ROBO2: variants seen among roughly 807,000 people sequenced by gnomAD.
ROBO2 encodes the protein roundabout homolog 2.
Under a neutral mutation model 160.8 loss-of-function variants are expected in ROBO2, and 53 were observed. That is an observed-to-expected ratio of 0.33 (90% CI 0.26 to 0.41). The LOEUF is 0.41. Among genes scored for constraint, ROBO2 ranks in the 10% least tolerant of loss-of-function variants. The pLI, the probability that ROBO2 is intolerant of heterozygous loss-of-function variation, is 1.00. For missense variants in ROBO2, 1,577 were observed against 1,722.4 expected (o/e 0.92, Z 1.49); for synonymous variants, 664 against 611.7 (o/e 1.09, Z -1.26).
intron 2 of ROBO2, among the ~76,000 whole-genome samples, chr3:76,246,772 T>A (rs1399082102): frequency 6.6e-6 from 1 of 152,132 alleles, no homozygotes; most frequent in Non-Finnish European, 1.5e-5. Context: ...ATGGGTAAGT[T>A]CTAATGACTG....
chr3:76,435,578 A>G (rs1332721262), intron 2 of ROBO2: 1 of 572,600 alleles, frequency 1.7e-6, no homozygotes, highest in African/African-American at 1.9e-5. Context: ...ACTGAAATAT[A>G]CCTCAGGCTG....
intron 2 of ROBO2, among the ~76,000 whole-genome samples, chr3:75,981,507 T>C (rs963105792): frequency 1.1e-4 from 16 of 151,246 alleles, no homozygotes; most frequent in African/African-American, 3.6e-4. Flanking sequence ...GAGATGTGGG[T>C]TGCAGTTTAT....
chr3:76,780,369 G>A lies in ROBO2; in HGVS notation c.110-317645G>A, dbSNP rs183585125. ...ATGGTTTACAAATGTTTCCTCCCAC[G>A]CTGTAGGTTGCTTTTTCATCTTGTT... is the stretch of plus-strand genomic sequence containing the variant. On this transcript the variant is annotated intron_variant, in intron 2 of 26. Transcript: ENST00000487694. Among the ~76,000 whole-genome samples the A allele has an allele frequency of 2.0e-5, 3 of 150,790 alleles. No homozygotes were observed. In the East Asian group the frequency reaches 5.9e-4, roughly 30 times the overall value.
intron 2 of ROBO2, among the ~76,000 whole-genome samples, chr3:76,663,528 G>A (rs2091908011): frequency 6.6e-6 from 1 of 152,100 alleles, no homozygotes; most frequent in Admixed American, 6.5e-5. Flanking sequence ...TTGTGCTCCT[G>A]CCTTTACCTG....
chr3:76,381,737 A>C (rs1441356746), intron 2 of ROBO2, among the ~76,000 whole-genome samples: 1 of 152,154 alleles, frequency 6.6e-6, no homozygotes, highest in African/African-American at 2.4e-5. Flanking sequence ...AAGTCATTTC[A>C]TTTCACAACA....
chr3:76,243,586 A>G (rs944690221), intron 2 of ROBO2, among the ~76,000 whole-genome samples: 1 of 152,226 alleles, frequency 6.6e-6, no homozygotes, highest in African/African-American at 2.4e-5. Context: ...TGAGGACGAT[A>G]AAAACTGCAG....
At chr3:76,337,691 GA>G (rs1043714624) in intron 2 of ROBO2, among the ~76,000 whole-genome samples, 6 of 152,116 alleles carry the variant, frequency 3.9e-5, no homozygotes, top group African/African-American at 4.8e-5. Context: ...AGGTGTGAAA[GA>G]AAATCTGATA....
intron 2 of ROBO2, among the ~76,000 whole-genome samples, chr3:76,891,087 G>A (rs958336863): frequency 2.0e-5 from 3 of 151,914 alleles, no homozygotes; most frequent in Non-Finnish European, 2.9e-5. Flanking sequence ...TTCACTTTTT[G>A]TTCATTAATA....
chr3:76,715,350 A>G (rs1488417865), intron 2 of ROBO2, among the ~76,000 whole-genome samples: 4 of 152,220 alleles, frequency 2.6e-5, no homozygotes, highest in African/African-American at 9.6e-5. Context: ...CTGTATGACT[A>G]TCATTAAAAT....
At chr3:76,176,692 T>G (rs1300687193) in intron 2 of ROBO2, among the ~76,000 whole-genome samples, 1 of 152,124 alleles carries the variant, frequency 6.6e-6, no homozygotes, top group East Asian at 1.9e-4. Context: ...TATTTTTTAT[T>G]TTTTGCATTT....
exon 26 of ROBO2, chr3:77,648,051 A>C (rs2095424613): frequency 6.6e-6 from 1 of 152,144 alleles, no homozygotes; most frequent in Admixed American, 6.6e-5. Flanking sequence ...CAGTTATTAA[A>C]CCCTTTATCA....
At chr3:75,912,643 A>C (rs1034562649) in intron 1 of ROBO2, among the ~76,000 whole-genome samples, 1 of 152,196 alleles carries the variant, frequency 6.6e-6, no homozygotes, top group African/African-American at 2.4e-5. Context: ...TAGCTCCATC[A>C]GATACACGGT....
intron 2 of ROBO2, among the ~76,000 whole-genome samples, chr3:76,002,093 T>C (rs1484300813): frequency 1.3e-5 from 2 of 152,150 alleles, no homozygotes; most frequent in Non-Finnish European, 2.9e-5. Flanking sequence ...TTGTGTCCCT[T>C]CAGCAAATAA....
intron 2 of ROBO2, among the ~76,000 whole-genome samples, chr3:77,311,815 A>C (rs533631128): frequency 2.2e-4 from 33 of 152,280 alleles, no homozygotes; most frequent in African/African-American, 7.7e-4. Context: ...GGCCGGGCGC[A>C]GTGGGTCACG....
intron 1 of ROBO2, among the ~76,000 whole-genome samples, chr3:77,088,154 A>G (rs1017958236): frequency 3.3e-5 from 5 of 152,166 alleles, no homozygotes; most frequent in African/African-American, 1.2e-4. Flanking sequence ...AGTGGAGGAA[A>G]AAACAGGGGA....
chr3:76,662,654 C>A (rs1269192850), intron 2 of ROBO2, among the ~76,000 whole-genome samples: 1 of 152,008 alleles, frequency 6.6e-6, no homozygotes, highest in East Asian at 1.9e-4. Flanking sequence ...AATGTAATAT[C>A]TCATCTAGAC....
At chr3:76,004,660 CT>C (rs1228560136) in intron 2 of ROBO2, among the ~76,000 whole-genome samples, 1 of 152,130 alleles carries the variant, frequency 6.6e-6, no homozygotes. Flanking sequence ...GATTAAGTCT[CT>C]GTTCTTATGA....
At chr3:75,918,579 T>G (rs1398637060) in intron 1 of ROBO2, among the ~76,000 whole-genome samples, 1 of 152,190 alleles carries the variant, frequency 6.6e-6, no homozygotes, top group Non-Finnish European at 1.5e-5. Context: ...AGAAAGTCAA[T>G]GGTAGCTTGA....
At chr3:77,082,885 TAAAAA>T (rs969959867) in intron 1 of ROBO2, among the ~76,000 whole-genome samples, 1 of 151,990 alleles carries the variant, frequency 6.6e-6, no homozygotes, top group Non-Finnish European at 1.5e-5. Context: ...GGAGATTCTT[TAAAAA>T]ATATATACAG....
Sources: gnomAD v4.1 joint callset for allele counts (sites outside exome capture counted in the v4.1 genomes callset) on GRCh38, gnomAD v4.1.1 for gene constraint, MANE v1.5 for transcripts, NCBI Gene and HGNC (gene_info 2026-07-23, HGNC 2026-07-21) for gene names.